SP140L: variants seen among roughly 807,000 people sequenced by gnomAD.
SP140L encodes nuclear body protein SP140-like protein.
Under a neutral mutation model 84.3 loss-of-function variants are expected in SP140L, and 64 were observed. The observed-to-expected ratio is 0.76, with a 90% CI of 0.62 to 0.94. SP140L has a LOEUF of 0.94. Ranked by LOEUF, SP140L falls within the 40% of genes least tolerant of loss-of-function variation. SP140L has a pLI of 0.00. For synonymous variants in SP140L, 242 were observed against 236.9 expected (o/e 1.02, Z -0.20); for missense variants, 628 against 692.5 (o/e 0.91, Z 1.05).
At chr2:230,391,968 C>A (rs2061828245) in intron 11 of SP140L, 119 bp from the exon 12 acceptor site, 3 of 1,418,542 alleles carry the variant, frequency 2.1e-6, no homozygotes, top group Admixed American at 3.8e-5. Flanking sequence ...GAAGGCCAGA[C>A]CCTCCTGCTA....
At chr2:230,365,321 T>A (rs2060832498) in intron 5 of SP140L, among the ~76,000 whole-genome samples, 1 of 152,046 alleles carries the variant, frequency 6.6e-6, no homozygotes, top group African/African-American at 2.4e-5. Flanking sequence ...CTGGATTACA[T>A]CTCCTTATTC....
intron 2 of SP140L, among the ~76,000 whole-genome samples, chr2:230,340,594 C>G: frequency 7.2e-6 from 1 of 138,874 alleles, no homozygotes; most frequent in Non-Finnish European, 1.6e-5. Context: ...TCTCGATGGT[C>G]TTTACATTTT....
chr2:230,388,500 C>T (rs576678719), intron 9 of SP140L, 59 bp from the exon 10 acceptor site: 6 of 1,386,910 alleles, frequency 4.3e-6, no homozygotes, highest in African/African-American at 1.5e-5. Context: ...TGAAAAGCAG[C>T]AATATATGTA....
intron 14 of SP140L, among the ~76,000 whole-genome samples, chr2:230,398,664 G>C (rs1330937343): frequency 6.6e-6 from 1 of 152,246 alleles, no homozygotes; most frequent in Non-Finnish European, 1.5e-5. Context: ...TGAAAATCCA[G>C]ATCACGGGAG....
intron 2 of SP140L, among the ~76,000 whole-genome samples, chr2:230,336,513 G>A (rs557567488): frequency 9.9e-5 from 15 of 152,262 alleles, no homozygotes; most frequent in South Asian, 6.2e-4. Flanking sequence ...GTTAAGCTAC[G>A]CACCAAGCAC....
chr2:230,352,480 A>G (rs2060393634), intron 2 of SP140L, among the ~76,000 whole-genome samples: 1 of 152,092 alleles, frequency 6.6e-6, no homozygotes, highest in Non-Finnish European at 1.5e-5. Flanking sequence ...TACACTTTTA[A>G]ATAATCAGAT....
At chr2:230,368,949 T>C (rs568692864) in intron 5 of SP140L, among the ~76,000 whole-genome samples, 1 of 152,368 alleles carries the variant, frequency 6.6e-6, no homozygotes, top group Admixed American at 6.5e-5. Context: ...CAGTTTGTTA[T>C]CTTCATTGCT....
chr2:230,402,018 T>C (rs2260729), intron 18 of SP140L, among the ~76,000 whole-genome samples: 101 of 152,286 alleles, frequency 6.6e-4, no homozygotes, highest in East Asian at 4.8e-3. Flanking sequence ...ACCCCAGGTC[T>C]CTGAGAGCTC....
intron 15 of SP140L, chr2:230,400,620 G>A (rs1251617482): frequency 3.9e-6 from 2 of 516,138 alleles, no homozygotes; most frequent in South Asian, 2.1e-5. Context: ...GGCGGATGGA[G>A]GCCTGACGTC....
intron 17 of SP140L, 46 bp downstream of exon 17, chr2:230,401,489 C>T (rs750729041): frequency 2.3e-6 from 3 of 1,296,632 alleles, no homozygotes; most frequent in East Asian, 2.3e-5. Context: ...CATGACATTA[C>T]CTGACCCTGA....
At chr2:230,371,052 G>A (rs1039479901) in intron 6 of SP140L, 85 bp downstream of exon 6, 18 of 1,191,474 alleles carry the variant, frequency 1.5e-5, no homozygotes, top group South Asian at 7.6e-5. Context: ...GCTCCAGTCC[G>A]CCCAGAATCC....
chr2:230,346,095 T>G (rs1002375965), intron 2 of SP140L, among the ~76,000 whole-genome samples: 2 of 152,198 alleles, frequency 1.3e-5, no homozygotes, highest in African/African-American at 2.4e-5. Flanking sequence ...CAACTTTTGT[T>G]TTTTTGGAAA....
At chr2:230,346,874 C>A (rs978611920) in intron 2 of SP140L, among the ~76,000 whole-genome samples, 1 of 152,130 alleles carries the variant, frequency 6.6e-6, no homozygotes, top group African/African-American at 2.4e-5. Flanking sequence ...AGCTCATAGA[C>A]CTTCATTTCT....
intron 2 of SP140L, among the ~76,000 whole-genome samples, chr2:230,334,219 T>G (rs1400732603): frequency 6.6e-6 from 1 of 152,202 alleles, no homozygotes; most frequent in East Asian, 1.9e-4. Flanking sequence ...ACTTCCAGAG[T>G]TTGAAAGCAT....
intron 9 of SP140L, among the ~76,000 whole-genome samples, chr2:230,387,030 A>G (rs998519058): frequency 6.6e-6 from 1 of 152,214 alleles, no homozygotes; most frequent in African/African-American, 2.4e-5. Context: ...CTGGACTTCC[A>G]GAGTCCACTT....
intron 4 of SP140L, among the ~76,000 whole-genome samples, chr2:230,359,700 C>A (rs1047908072): frequency 1.3e-5 from 2 of 152,128 alleles, no homozygotes; most frequent in Non-Finnish European, 2.9e-5. Context: ...TAGTTTCAGG[C>A]AAACAGTCAT....
chr2:230,388,427 G>T, intron 9 of SP140L, 132 bp from the exon 10 acceptor site: 1 of 646,722 alleles, frequency 1.5e-6, no homozygotes, highest in Non-Finnish European at 2.5e-6. Flanking sequence ...AAAGGCTAGG[G>T]TTTAAATCTT....
chr2:230,402,077 G>A lies in SP140L; in HGVS notation c.1644+270G>A, dbSNP rs575762358. Among the ~76,000 whole-genome samples the A allele has an allele frequency of 1.8e-3, 272 of 152,332 alleles. 8 individuals are homozygous for A. In the South Asian group the frequency reaches 0.044, roughly 24 times the overall value. ...ACAGGAGCTCAGAGAGAGCAATTGA[G>A]TCCTGCCTGCTGCAGCATATAAAGA... On this transcript the variant is annotated intron_variant, in intron 18 of 18. Transcript: ENST00000415673.
At chr2:230,367,759 C>A (rs1256336433) in intron 5 of SP140L, among the ~76,000 whole-genome samples, 2 of 152,186 alleles carry the variant, frequency 1.3e-5, no homozygotes, top group African/African-American at 2.4e-5. Context: ...TGGTAAAACA[C>A]CATCTCTATG....
Sources: allele counts gnomAD v4.1 joint callset (sites outside exome capture counted in the v4.1 genomes callset), GRCh38; gene constraint gnomAD v4.1.1; transcripts MANE v1.5; gene names NCBI Gene and HGNC (gene_info 2026-07-23, HGNC 2026-07-21).